KATNIP: variants seen among roughly 807,000 people sequenced by gnomAD.
KATNIP encodes katanin-interacting protein.
In KATNIP, 126 loss-of-function variants were observed where a neutral mutation model predicts 174.0. The ratio of observed to expected loss-of-function variants is 0.72; its 90% CI spans 0.63 to 0.84. The LOEUF (loss-of-function observed/expected upper bound fraction) is 0.84. Among genes scored for constraint, KATNIP ranks in the 40% least tolerant of loss-of-function variants. The pLI is 0.00. For synonymous variants in KATNIP, 810 were observed against 835.7 expected, an observed-to-expected ratio of 0.97 and a Z score of 0.53; for missense variants, 1,958 against 2,109.7, an observed-to-expected ratio of 0.93 and a Z score of 1.41.
In KATNIP at chr16:27,698,893, G is replaced by A. The variant is rs181350375; in HGVS notation, c.1113+393G>A. ...GTGGGCCCTTCAGGCCTCCGCAGTC[G>A]TCACTGCTCCCTATTGTCCTGCCCC... On this transcript the variant is annotated intron_variant, in intron 9 of 27. Coordinates refer to ENST00000261588, the MANE Select transcript of KATNIP (RefSeq NM_015202.5). Among the ~76,000 whole-genome samples, 50 of 152,310 alleles carry A rather than the reference G, an allele frequency of 3.3e-4. 2 individuals are homozygous for A. The highest frequency in any genetic ancestry group is 1.7e-3 in the East Asian group (9 of 5,168).
chr16:27,701,742 C>T, intron 11 of KATNIP, 47 bp downstream of exon 11: 1 of 1,268,964 alleles, frequency 7.9e-7, no homozygotes, highest in Non-Finnish European at 1.1e-6. Context: ...AGCAGTGCAG[C>T]CATGGGGATC....
chr16:27,593,410 A>G (rs544654908), intron 2 of KATNIP, among the ~76,000 whole-genome samples: 2 of 151,616 alleles, frequency 1.3e-5, no homozygotes, highest in Admixed American at 1.3e-4. Context: ...AACTAATTTT[A>G]TATTTTTAGT....
At chr16:27,642,718 C>T (rs915533602) in intron 5 of KATNIP, among the ~76,000 whole-genome samples, 4 of 151,962 alleles carry the variant, frequency 2.6e-5, no homozygotes, top group African/African-American at 4.8e-5. Flanking sequence ...AATCCCAGTC[C>T]AAAGGCCTCT....
chr16:27,778,313 G>A (rs142692763), intron 27 of KATNIP, among the ~76,000 whole-genome samples: 7 of 152,328 alleles, frequency 4.6e-5, no homozygotes, highest in African/African-American at 1.4e-4. Context: ...AGGGCTTCCC[G>A]GAGGAGGTGA....
chr16:27,589,258 A>C (rs762339943), intron 2 of KATNIP, among the ~76,000 whole-genome samples: 6 of 152,152 alleles, frequency 3.9e-5, no homozygotes, highest in Non-Finnish European at 8.8e-5. Flanking sequence ...CACAAATAGC[A>C]AAATACCCAA....
rs773076589 is a variant in KATNIP at position 27,740,200 on chromosome 16, G to T, written c.1903G>T (p.Ala635Ser). The T allele has an allele frequency of 1.2e-6, 2 of 1,614,068 alleles. No individual in the cohort carries two copies. The highest frequency in any genetic ancestry group is 1.7e-6 in the Non-Finnish European group (2 of 1,180,046). The change falls in exon 15 of 28, where the codon GCT becomes TCT. Residue 635 changes from alanine to serine, a missense_variant. Physicochemically the swap from Ala to Ser is moderately conservative, Grantham distance 99. This residue lies in a region of KATNIP where 1,557 missense variants were observed against 1,617.8 expected (regional missense o/e 0.96). Coordinates refer to ENST00000261588, the MANE Select transcript of KATNIP (RefSeq NM_015202.5). Reference sequence around the variant, plus strand: ...CGAGCAACTAGAGGAGGCCATGAACGCTCACTCGGAAGAAAGCAAAGGCAC... The same window carrying T: ...CGAGCAACTAGAGGAGGCCATGAACTCTCACTCGGAAGAAAGCAAAGGCAC... ...KSEQLEEAMN[A>S]HSEESKGTHE...
rs1006533249 is a variant in KATNIP, at chr16:27,701,742, C to A, written c.1286+47C>A. The A allele has an allele frequency of 5.5e-6, 7 of 1,268,840 alleles. No individual in the cohort carries two copies. The African/African-American group carries it at 7.4e-5, about 13-fold the overall frequency. The allele number at this position is 1,268,840 out of a possible 1,614,324, so 78.6% of individuals were successfully genotyped here. On this transcript the variant is annotated intron_variant, in intron 11 of 27. Transcript: ENST00000261588. ...AACCCGAAACCCCTTAGCAGTGCAG[C>A]CATGGGGATCTTCTTCATGAGGGTT...
At chr16:27,690,315 C>CACATAGATAGATAGAT (rs1555473958) in intron 8 of KATNIP, among the ~76,000 whole-genome samples, 2 of 128,658 alleles carry the variant, frequency 1.6e-5, no homozygotes, top group Admixed American at 8.3e-5. Flanking sequence ...GACCCCATCT[C>CACATAGATAGATAGAT]AGATAGATAG....
At chr16:27,691,026 C>G (rs1017371799) in intron 8 of KATNIP, among the ~76,000 whole-genome samples, 52 of 152,108 alleles carry the variant, frequency 3.4e-4, no homozygotes, top group African/African-American at 1.3e-3. Flanking sequence ...GCAGGTTATG[C>G]CTGTGGGCTG....
chr16:27,700,391 CT>C (rs2079055141), intron 10 of KATNIP, among the ~76,000 whole-genome samples: 1 of 152,178 alleles, frequency 6.6e-6, no homozygotes, highest in African/African-American at 2.4e-5. Context: ...ATACACAGGT[CT>C]GTGCTGTGTG....
chr16:27,592,270 C>CTTTTT (rs71137799), intron 2 of KATNIP, among the ~76,000 whole-genome samples: 10 of 44,822 alleles, frequency 2.2e-4, no homozygotes, highest in African/African-American at 5.6e-4. Context: ...GCATATATTA[C>CTTTTT]TTTTTTTTTT....
At chr16:27,589,977 A>G (rs977990911) in intron 2 of KATNIP, among the ~76,000 whole-genome samples, 6 of 151,818 alleles carry the variant, frequency 4.0e-5, no homozygotes, top group African/African-American at 1.5e-4. Flanking sequence ...TGGTTTCACC[A>G]TGTTGGCCAG....
intron 15 of KATNIP, among the ~76,000 whole-genome samples, chr16:27,741,739 C>T (rs1483599758): frequency 2.0e-5 from 3 of 152,088 alleles, no homozygotes; most frequent in Non-Finnish European, 4.4e-5. Context: ...CCTGACTCTA[C>T]TAAAAATACA....
At chr16:27,572,261 AT>A (rs909205744) in intron 1 of KATNIP, among the ~76,000 whole-genome samples, 30 of 147,020 alleles carry the variant, frequency 2.0e-4, no homozygotes, top group Non-Finnish European at 2.6e-4. Flanking sequence ...TATAAAAAAA[AT>A]TTTTTTTTTT....
At chr16:27,576,240 C>A (rs1177177962) in intron 2 of KATNIP, among the ~76,000 whole-genome samples, 1 of 152,178 alleles carries the variant, frequency 6.6e-6, no homozygotes, top group Non-Finnish European at 1.5e-5. Context: ...TTCCCAGCCA[C>A]TCCCATTGTG....
chr16:27,740,781 G>A lies in KATNIP; in HGVS notation c.2484G>A (p.Arg828=), dbSNP rs774763737. ...TCAACACCAAGGAGAGACCCCAGAG[G>A]GCAACCACCAAAGTCCACAGTGATG... The part of the protein sequence containing the change: ...RSVNTKERPQ[R]ATTKVHSDDS... Residue 828 remains arginine (R), a synonymous_variant, in exon 15 of 28, where the codon AGG becomes AGA. Coordinates refer to ENST00000261588, the MANE Select transcript of KATNIP (RefSeq NM_015202.5). 3.7e-6 allele frequency: 6 copies of A among 1,614,176 alleles called. No homozygotes were observed. Among genetic ancestry groups the A allele is most frequent in the Non-Finnish European group, 3.4e-6 (4 of 1,180,024 alleles).
chr16:27,660,105 A>C (rs1185288309), intron 6 of KATNIP: 15 of 670,426 alleles, frequency 2.2e-5, no homozygotes, highest in Non-Finnish European at 2.8e-5. Context: ...TTTTCCATAA[A>C]CATTCTGGGG....
At chr16:27,616,216 A>G (rs187366275) in intron 2 of KATNIP, among the ~76,000 whole-genome samples, 2 of 152,230 alleles carry the variant, frequency 1.3e-5, no homozygotes, top group East Asian at 1.9e-4. Flanking sequence ...TACTAAAAAT[A>G]TATAAATTAG....
rs2082627219 is a variant in KATNIP at position 27,779,777 on chromosome 16, G to A, written c.*1148G>A. ...CAAGCTCGGATCAGGGACCTAATTG[G>A]TTTCCCAGTAGTGGGTAATTTCTCG... On this transcript the variant is annotated 3_prime_UTR_variant, in exon 28 of 28. Coordinates refer to ENST00000261588, the MANE Select transcript of KATNIP (RefSeq NM_015202.5). 6.6e-6 allele frequency: 1 copy of A among 152,292 alleles called. No homozygotes were observed. Among genetic ancestry groups the A allele is most frequent in the African/African-American group, 2.4e-5 (1 of 41,530 alleles). 9.4% of individuals were successfully genotyped at this position (152,292 alleles called of 1,614,324 possible).
Sources: gnomAD v4.1 joint callset for allele counts (sites outside exome capture counted in the v4.1 genomes callset) on GRCh38, gnomAD v4.1.1 for gene constraint, gnomAD v4.1.1 regional missense constraint, MANE v1.5 for transcripts, NCBI Gene and HGNC (gene_info 2026-07-23, HGNC 2026-07-21) for gene names.